Variants in LARGE1 observed in about 807,000 individuals in gnomAD.
LARGE1 encodes LARGE xylosyl- and glucuronyltransferase 1, also known as xylosyl- and glucuronyltransferase LARGE1.
Under a neutral mutation model 87.6 loss-of-function variants are expected in LARGE1, and 43 were observed. The ratio of observed to expected loss-of-function variants is 0.49; its 90% CI spans 0.38 to 0.63. The LOEUF (loss-of-function observed/expected upper bound fraction) is 0.63. Among genes scored for constraint, LARGE1 ranks in the 30% least tolerant of loss-of-function variants. LARGE1 has a pLI of 0.00. For synonymous variants in LARGE1, 434 were observed against 394.6 expected, an observed-to-expected ratio of 1.10 and a Z score of -1.18; for missense variants, 802 against 1,000.2, an observed-to-expected ratio of 0.80 and a Z score of 2.67.
At chr22:33,588,513 G>A (rs1165251092) in intron 5 of LARGE1, among the ~76,000 whole-genome samples, 1 of 31,354 alleles carries the variant, frequency 3.2e-5, no homozygotes, top group Non-Finnish European at 5.8e-5. Context: ...ATGTGTGCGT[G>A]TGTGTGTGTG....
At chr22:33,878,129 CTTTTTTTTTTTTTTTTTTTTT>C (rs1186663464) in intron 1 of LARGE1, among the ~76,000 whole-genome samples, 1 of 44,652 alleles carries the variant, frequency 2.2e-5, no homozygotes, top group East Asian at 1.0e-3. Flanking sequence ...TATTGTATTT[CTTTTTTTTTTTTTTTTTTTTT>C]TTTTAGAGAC....
chr22:33,772,781 A>T (rs2085110994), intron 1 of LARGE1, among the ~76,000 whole-genome samples: 1 of 152,202 alleles, frequency 6.6e-6, no homozygotes, highest in African/African-American at 2.4e-5. Context: ...ACTTGGGCAT[A>T]AACCATGACT....
intron 1 of LARGE1, among the ~76,000 whole-genome samples, chr22:33,877,554 G>A (rs2064505538): frequency 6.6e-6 from 1 of 152,078 alleles, no homozygotes; most frequent in Admixed American, 6.6e-5. Context: ...AATTCTGGAA[G>A]GATGTAATAC....
chr22:33,304,867 T>C (rs1934660273), intron 11 of LARGE1, among the ~76,000 whole-genome samples: 1 of 152,216 alleles, frequency 6.6e-6, no homozygotes, highest in African/African-American at 2.4e-5. Flanking sequence ...AAAGCTCTGC[T>C]GATCTCCTAA....
chr22:33,214,599 A>G (rs1440983361), intron 11 of LARGE1, among the ~76,000 whole-genome samples: 3 of 151,850 alleles, frequency 2.0e-5, no homozygotes, highest in African/African-American at 7.3e-5. Flanking sequence ...CCCTTTACAA[A>G]GCTGTGGCCA....
chr22:33,300,027 C>T (rs1012222537), intron 12 of LARGE1, among the ~76,000 whole-genome samples: 2 of 152,194 alleles, frequency 1.3e-5, no homozygotes, highest in African/African-American at 4.8e-5. Context: ...AGCTAACATG[C>T]TGAACTTTTT....
At chr22:33,646,429 C>T (rs897987037) in intron 3 of LARGE1, among the ~76,000 whole-genome samples, 1 of 151,860 alleles carries the variant, frequency 6.6e-6, no homozygotes, top group South Asian at 2.1e-4. Flanking sequence ...ACACTGGGAC[C>T]TGTTGAGGGG....
chr22:33,728,605 G>C lies in LARGE1; in HGVS notation c.106+32766C>G, dbSNP rs951533192. 1.1e-4 allele frequency among the ~76,000 whole-genome samples: 16 copies of C among 148,296 alleles called. 1 individual carries two copies. On this transcript the variant is annotated intron_variant, in intron 2 of 14. Transcript: ENST00000397394. Reference sequence around the variant, plus strand: ...CCAACAACAGAGACACATTTCCAGGGGATTTCTTCCAGGTACCACCTGTGG... The same window carrying C: ...CCAACAACAGAGACACATTTCCAGGCGATTTCTTCCAGGTACCACCTGTGG...
chr22:33,681,614 T>C (rs1041192124), intron 2 of LARGE1, among the ~76,000 whole-genome samples: 11 of 152,216 alleles, frequency 7.2e-5, no homozygotes, highest in African/African-American at 2.7e-4. Flanking sequence ...CTATTAAAGA[T>C]CACCATCATT....
At chr22:33,429,259 C>T (rs2066996181) in intron 7 of LARGE1, among the ~76,000 whole-genome samples, 1 of 152,134 alleles carries the variant, frequency 6.6e-6, no homozygotes, top group Non-Finnish European at 1.5e-5. Flanking sequence ...TTCGTGAAAG[C>T]CATTTTTTTG....
intron 1 of LARGE1, among the ~76,000 whole-genome samples, chr22:33,782,466 T>G (rs1279501459): frequency 6.6e-6 from 1 of 152,178 alleles, no homozygotes; most frequent in Non-Finnish European, 1.5e-5. Flanking sequence ...ATTATATGAA[T>G]TGTACATTTT....
chr22:33,177,063 A>G (rs544047242), intron 11 of LARGE1, among the ~76,000 whole-genome samples: 1 of 152,330 alleles, frequency 6.6e-6, no homozygotes, highest in Non-Finnish European at 1.5e-5. Context: ...AAGGAAAGAA[A>G]ACCAATCATC....
In LARGE1 at chr22:33,728,576, A is replaced by AAAC. The variant is rs1556015677; in HGVS notation, c.106+32794_106+32795insGTT. On this transcript the variant is annotated intron_variant, in intron 2 of 14. Transcript: ENST00000397394. The stretch of plus-strand genomic sequence containing the variant: ...CAAAAAAAAAAAAAAAAAAAAAAAA[A>AAAC]AAACCAACAACAGAGACACATTTCC... Among the ~76,000 whole-genome samples the AAAC allele has an allele frequency of 7.4e-4, 77 of 103,762 alleles. 6 individuals are homozygous for AAAC. Among genetic ancestry groups the AAAC allele is most frequent in the African/African-American group, 1.9e-3 (62 of 31,884 alleles). 68.1% of individuals were successfully genotyped at this position (103,762 alleles called of 152,430 possible). A position where few individuals can be genotyped will look rare whatever the true frequency, so the allele number is the denominator to read the frequency against.
chr22:33,888,878 T>C (rs1024970883), intron 1 of LARGE1, among the ~76,000 whole-genome samples: 1 of 151,986 alleles, frequency 6.6e-6, no homozygotes, highest in South Asian at 2.1e-4. Context: ...AAAAAACAAA[T>C]ATATCTTCAT....
chr22:33,166,960 G>A (rs968120139), intron 11 of LARGE1: 8 of 414,204 alleles, frequency 1.9e-5, no homozygotes, highest in Admixed American at 2.7e-5. Flanking sequence ...ATTTCAGAGC[G>A]AAACTCCCCC....
chr22:33,594,223 T>C (rs999287636), intron 5 of LARGE1, among the ~76,000 whole-genome samples: 7 of 152,182 alleles, frequency 4.6e-5, no homozygotes, highest in African/African-American at 1.7e-4. Flanking sequence ...CTTTTGGTGC[T>C]TGACAATTTT....
At chr22:33,760,239 C>G (rs997178663) in intron 2 of LARGE1, among the ~76,000 whole-genome samples, 3 of 152,200 alleles carry the variant, frequency 2.0e-5, no homozygotes, top group African/African-American at 7.2e-5. Flanking sequence ...CGTTCCCTCT[C>G]TCTCTGAAGC....
intron 2 of LARGE1, among the ~76,000 whole-genome samples, chr22:33,720,125 C>T (rs2083051562): frequency 6.6e-6 from 1 of 152,134 alleles, no homozygotes; most frequent in Non-Finnish European, 1.5e-5. Context: ...AGTAATTATA[C>T]AACTCACCAT....
chr22:33,339,924 C>T (rs1480626034), intron 9 of LARGE1, among the ~76,000 whole-genome samples: 1 of 152,156 alleles, frequency 6.6e-6, no homozygotes, highest in East Asian at 1.9e-4. Flanking sequence ...CCTTGGCCTC[C>T]CAAAGTTCTG....
Sources: gnomAD v4.1 joint callset for allele counts (sites outside exome capture counted in the v4.1 genomes callset) on GRCh38, gnomAD v4.1.1 for gene constraint, MANE v1.5 for transcripts, NCBI Gene and HGNC (gene_info 2026-07-23, HGNC 2026-07-21) for gene names.